The following PPP3CA variants were observed in gnomAD, a reference collection of about 807,000 sequenced individuals.
PPP3CA encodes CAM-PRP catalytic subunit.
In PPP3CA, 14 loss-of-function variants were observed where a neutral mutation model predicts 66.5. That is an observed-to-expected ratio of 0.21 (90% CI 0.14 to 0.33). PPP3CA has a LOEUF of 0.33. Ranked by LOEUF, PPP3CA falls within the 10% of genes least tolerant of loss-of-function variation. PPP3CA has a pLI of 1.00. For missense variants in PPP3CA, 317 were observed against 639.5 expected (o/e 0.50, Z 5.44); for synonymous variants, 232 against 226.2 (o/e 1.03, Z -0.23).
Position 101,061,036 on chromosome 4 carries a change from C to T in PPP3CA, c.1156+51G>A, listed in dbSNP as rs1560582814. ...TATTCTTAGATTTAGCAATGAGACT[C>T]TAAGTAATTATCTGGCAAATAGCAT... On this transcript the variant is annotated intron_variant, in intron 10 of 13. Transcript: ENST00000394854. 8 of 1,451,068 alleles carry T rather than the reference C, an allele frequency of 5.5e-6. No homozygotes were observed. In the East Asian group the frequency reaches 1.6e-4, roughly 29 times the overall value. 89.9% of individuals were successfully genotyped at this position (1,451,068 alleles called of 1,614,324 possible).
chr4:101,186,904 T>G (rs760282835), intron 2 of PPP3CA, among the ~76,000 whole-genome samples: 5 of 152,082 alleles, frequency 3.3e-5, no homozygotes, highest in Non-Finnish European at 7.4e-5. Context: ...CCGGTCACAA[T>G]AGTAACAGAT....
intron 1 of PPP3CA, among the ~76,000 whole-genome samples, chr4:101,240,047 G>GC (rs1208189926): frequency 1.3e-4 from 12 of 89,506 alleles, no homozygotes; most frequent in African/African-American, 3.2e-4. Flanking sequence ...TTTGGGGGGA[G>GC]CGGGGGGGAG....
chr4:101,253,378 A>G (rs983940804), intron 1 of PPP3CA, among the ~76,000 whole-genome samples: 1 of 152,138 alleles, frequency 6.6e-6, no homozygotes, highest in African/African-American at 2.4e-5. Flanking sequence ...TCAGAAAATT[A>G]ATCAAAGATT....
At chr4:101,087,079 T>C (rs1729705089) in intron 6 of PPP3CA, among the ~76,000 whole-genome samples, 2 of 152,148 alleles carry the variant, frequency 1.3e-5, no homozygotes, top group Admixed American at 1.3e-4. Context: ...CCCTGCCTGA[T>C]TGTTCAACTC....
chr4:101,220,236 C>A (rs373249433), intron 1 of PPP3CA, among the ~76,000 whole-genome samples: 104 of 151,038 alleles, frequency 6.9e-4, no homozygotes, highest in African/African-American at 2.4e-3. Flanking sequence ...GGTCAGGGAA[C>A]ACTTTCTTAA....
At chr4:101,270,573 G>A (rs1187450397) in intron 1 of PPP3CA, among the ~76,000 whole-genome samples, 1 of 152,116 alleles carries the variant, frequency 6.6e-6, no homozygotes, top group Non-Finnish European at 1.5e-5. Flanking sequence ...ACCAAAGGAG[G>A]TTTTAAGGTA....
At chr4:101,196,220 A>G in intron 1 of PPP3CA, 104 bp from the exon 2 acceptor site, 1 of 1,023,592 alleles carries the variant, frequency 9.8e-7, no homozygotes, top group East Asian at 2.6e-5. Context: ...AACTAATATA[A>G]TATTTTTAGA....
At chr4:101,110,050 C>T (rs968189325) in intron 2 of PPP3CA, among the ~76,000 whole-genome samples, 11 of 152,014 alleles carry the variant, frequency 7.2e-5, no homozygotes, top group African/African-American at 2.7e-4. Context: ...TCAGCCACCA[C>T]ATTATGGTAT....
chr4:101,346,630 G>A (rs1730008008), intron 1 of PPP3CA, 109 bp downstream of exon 1: 8 of 949,986 alleles, frequency 8.4e-6, no homozygotes, highest in African/African-American at 5.0e-5. Flanking sequence ...CGGCTGGAGC[G>A]GACAGAGGAG....
intron 9 of PPP3CA, among the ~76,000 whole-genome samples, chr4:101,061,605 G>A (rs1377282492): frequency 6.6e-6 from 1 of 151,952 alleles, no homozygotes. Flanking sequence ...ATAGGCATGT[G>A]GTTTTGTGTT....
chr4:101,063,412 G>A (rs906981378), intron 8 of PPP3CA, 55 bp from the exon 9 acceptor site: 11 of 1,565,436 alleles, frequency 7.0e-6, no homozygotes, highest in South Asian at 1.2e-5. Flanking sequence ...CTGCTTCTAT[G>A]TATGGCTTTA....
At chr4:101,104,170 A>G (rs1730558844) in intron 3 of PPP3CA, among the ~76,000 whole-genome samples, 1 of 152,096 alleles carries the variant, frequency 6.6e-6, no homozygotes, top group African/African-American at 2.4e-5. Flanking sequence ...AATTAAACTG[A>G]AGTGCTCCCC....
chr4:101,179,821 A>C (rs1192897001), intron 2 of PPP3CA, among the ~76,000 whole-genome samples: 1 of 152,184 alleles, frequency 6.6e-6, no homozygotes, highest in Admixed American at 6.6e-5. Context: ...ACAATTTTTC[A>C]CATCTAACTG....
chr4:101,267,190 T>C (rs780987867), intron 1 of PPP3CA, among the ~76,000 whole-genome samples: 9 of 152,246 alleles, frequency 5.9e-5, no homozygotes, highest in Non-Finnish European at 1.3e-4. Context: ...GAAAAAAGTA[T>C]ATTAGTGGAT....
intron 2 of PPP3CA, among the ~76,000 whole-genome samples, chr4:101,187,170 AT>A (rs1724438966): frequency 6.6e-6 from 1 of 152,202 alleles, no homozygotes; most frequent in Non-Finnish European, 1.5e-5. Context: ...CTGCACTGTC[AT>A]TAGGTGATAC....
intron 1 of PPP3CA, among the ~76,000 whole-genome samples, chr4:101,269,593 TGTGTGTG>T (rs1727272817): frequency 6.6e-6 from 1 of 150,410 alleles, no homozygotes; most frequent in African/African-American, 2.4e-5. Flanking sequence ...TGTGTGTGTG[TGTGTGTG>T]TTTTAACTGC....
intron 10 of PPP3CA, among the ~76,000 whole-genome samples, chr4:101,048,953 C>CG (rs1727893922): frequency 6.6e-6 from 1 of 151,898 alleles, no homozygotes; most frequent in South Asian, 2.1e-4. Flanking sequence ...AAGGGTGTAA[C>CG]GGATTTTAAG....
At position 101,281,215 on chromosome 4, in the gene PPP3CA, G is replaced by A. The variant is rs867286962; in HGVS notation, c.58+65524C>T. ...AAAGCTTTGGAGAGGGTTCAAGGAA[G>A]AATGGGAGAAGAGCAATTTGAGACA... On this transcript the variant is annotated intron_variant, in intron 1 of 13. Coordinates refer to ENST00000394854, the MANE Select transcript of PPP3CA (RefSeq NM_000944.5). Among the ~76,000 whole-genome samples, 45 of 152,364 alleles carry A rather than the reference G, an allele frequency of 3.0e-4. No individual in the cohort carries two copies. In the Middle Eastern group the frequency reaches 0.014, roughly 46 times the overall value.
intron 1 of PPP3CA, among the ~76,000 whole-genome samples, chr4:101,283,246 C>T (rs1349225527): frequency 6.6e-6 from 1 of 152,156 alleles, no homozygotes; most frequent in Non-Finnish European, 1.5e-5. Flanking sequence ...CAGATTAAAG[C>T]AAGTATCTAT....
Sources: allele counts gnomAD v4.1 joint callset (sites outside exome capture counted in the v4.1 genomes callset), GRCh38; gene constraint gnomAD v4.1.1; transcripts MANE v1.5; gene names NCBI Gene and HGNC (gene_info 2026-07-23, HGNC 2026-07-21).